The following USH2A variants were observed in gnomAD, a reference collection of about 807,000 sequenced individuals.
USH2A encodes usherin.
Under a neutral mutation model 538.9 loss-of-function variants are expected in USH2A, and 443 were observed. That is an observed-to-expected ratio of 0.82 (90% confidence interval 0.76 to 0.89). The LOEUF is 0.89. Among genes scored for constraint, USH2A ranks in the 40% least tolerant of loss-of-function variants. The pLI, the probability that USH2A is intolerant of heterozygous loss-of-function variation, is 0.00. For missense variants in USH2A, 6,633 were observed against 6,324.8 expected (o/e 1.05, Z -1.65); for synonymous variants, 2,413 against 2,273.5 (o/e 1.06, Z -1.75).
intron 32 of USH2A, among the ~76,000 whole-genome samples, chr1:216,025,967 A>G (rs1339182689): frequency 1.3e-5 from 2 of 152,116 alleles, no homozygotes; most frequent in Non-Finnish European, 2.9e-5. Context: ...TCATGTATAC[A>G]ATAGGGAGGG....
At chr1:216,138,686 A>G (rs1341246430) in intron 21 of USH2A, among the ~76,000 whole-genome samples, 2 of 152,092 alleles carry the variant, frequency 1.3e-5, no homozygotes, top group Admixed American at 1.3e-4. Context: ...ACATGTAGAT[A>G]TTATCATCTA....
intron 30 of USH2A, 33 bp from the exon 31 acceptor site, chr1:216,048,680 G>GT (rs1450377216): frequency 1.3e-6 from 2 of 1,556,480 alleles, no homozygotes; most frequent in Admixed American, 3.3e-5. Context: ...AGGGTTGCGT[G>GT]TTTACCATAA....
chr1:215,660,161 T>C (rs1657396960), intron 64 of USH2A, among the ~76,000 whole-genome samples: 1 of 152,230 alleles, frequency 6.6e-6, no homozygotes, highest in African/African-American at 2.4e-5. Flanking sequence ...TTTGAGTCCT[T>C]CAACTTATCA....
rs748178875 is a variant in USH2A, at chr1:216,289,314, A to G, written c.1937T>C (p.Val646Ala). 1.9e-6 allele frequency: 3 copies of G among 1,613,978 alleles called. No homozygotes were observed. Among genetic ancestry groups the G allele is most frequent in the South Asian group, 1.1e-5 (1 of 91,080 alleles). ...DVCKPCDCDT[V>A]GTRNGSILCD... is the part of the protein sequence containing the mutation. The stretch of plus-strand genomic sequence containing the variant: ...AAGAATGCTACCATTTCTAGTGCCA[A>G]CTGTATCACAGTCACAGGGTTTGCA... Residue 646 changes from valine (V) to alanine (A), a missense_variant, in exon 11 of 72, where the codon GTT becomes GCT. Coordinates refer to ENST00000307340, the MANE Select transcript of USH2A (RefSeq NM_206933.4).
chr1:216,022,137 A>C (rs556331329), intron 32 of USH2A, among the ~76,000 whole-genome samples: 4 of 152,168 alleles, frequency 2.6e-5, no homozygotes, highest in African/African-American at 9.6e-5. Flanking sequence ...AGATGCTGCC[A>C]TGCTTCCTGT....
intron 47 of USH2A, among the ~76,000 whole-genome samples, chr1:215,836,506 T>TTATATATATAATATATATTA (rs1663513672): frequency 5.5e-5 from 1 of 18,314 alleles, no homozygotes; most frequent in African/African-American, 1.7e-4. Flanking sequence ...ATAATATATA[T>TTATATATATAATATATATTA]TATATATATA....
intron 32 of USH2A, among the ~76,000 whole-genome samples, chr1:216,021,957 C>A (rs1338428194): frequency 6.6e-6 from 1 of 152,104 alleles, no homozygotes; most frequent in Non-Finnish European, 1.5e-5. Flanking sequence ...GCATCATTCT[C>A]ATGGGAGTGA....
rs957115742 is a variant in USH2A at position 215,896,304 on chromosome 1, G to GT, written c.7594+3770dup. Reference sequence around the variant, plus strand: ...AATCTAAAGTGAATTCAAGTTTGGGGTTTTTTTTTTTGAGGGTAGGGAAGT... The same window carrying GT: ...AATCTAAAGTGAATTCAAGTTTGGGGTTTTTTTTTTTTGAGGGTAGGGAAGT... On this transcript the variant is annotated intron_variant, in intron 40 of 71. Transcript: ENST00000307340. Among the ~76,000 whole-genome samples the GT allele has an allele frequency of 6.9e-3, 994 of 144,706 alleles. 25 individuals are homozygous for GT. Among genetic ancestry groups the GT allele is most frequent in the Admixed American group, 0.041 (590 of 14,458 alleles). 94.9% of individuals were successfully genotyped at this position (144,706 alleles called of 152,430 possible). A position where few individuals can be genotyped will look rare whatever the true frequency, so the allele number is the denominator to read the frequency against.
chr1:215,996,044 G>A (rs1019041072), intron 34 of USH2A, among the ~76,000 whole-genome samples: 3 of 152,092 alleles, frequency 2.0e-5, no homozygotes, highest in Non-Finnish European at 4.4e-5. Context: ...CCGAGTAGCT[G>A]GGATTATATG....
intron 20 of USH2A, among the ~76,000 whole-genome samples, chr1:216,176,143 T>A (rs1475775675): frequency 6.6e-6 from 1 of 152,206 alleles, no homozygotes; most frequent in Non-Finnish European, 1.5e-5. Flanking sequence ...AAGTCATTTT[T>A]AAAAAGACTT....
chr1:216,385,264 G>T (rs1313906387), intron 3 of USH2A, among the ~76,000 whole-genome samples: 1 of 152,178 alleles, frequency 6.6e-6, no homozygotes, highest in Non-Finnish European at 1.5e-5. Flanking sequence ...CCCTTTGCTT[G>T]GAAGGGCCAG....
chr1:216,395,726 C>T (rs184119908), intron 3 of USH2A, among the ~76,000 whole-genome samples: 27 of 152,210 alleles, frequency 1.8e-4, no homozygotes, highest in Admixed American at 3.9e-4. Context: ...CAAGACAGGA[C>T]GGAAGTAGGC....
At chr1:215,874,964 G>T (rs1339773) in intron 43 of USH2A, among the ~76,000 whole-genome samples, 149,141 of 152,336 alleles carry the variant, frequency 0.98, 73,029 homozygotes, top group East Asian at 1. Context: ...GTAACACAGG[G>T]GTGAACCAAC....
At chr1:216,184,518 T>C (rs553880136) in intron 20 of USH2A, among the ~76,000 whole-genome samples, 2 of 152,038 alleles carry the variant, frequency 1.3e-5, no homozygotes, top group South Asian at 4.2e-4. Flanking sequence ...GAGCAGAAAG[T>C]GACTAGCTTA....
chr1:215,697,563 C>T (rs1658860580), intron 61 of USH2A, among the ~76,000 whole-genome samples: 1 of 151,970 alleles, frequency 6.6e-6, no homozygotes, highest in Non-Finnish European at 1.5e-5. Flanking sequence ...TTCTTGTTGA[C>T]CTGGCTGGAG....
rs755804518 is a variant in USH2A at position 215,759,796 on chromosome 1, C to T, written c.11095G>A (p.Glu3699Lys). 2.5e-6 allele frequency: 4 copies of T among 1,613,994 alleles called. No homozygotes were observed. The highest frequency in any genetic ancestry group is 2.5e-6 in the Non-Finnish European group (3 of 1,179,928). The change falls in exon 57 of 72, where the codon GAA becomes AAA. Residue 3699 changes from glutamate (E) to lysine (K), a missense_variant. Physicochemically the swap from Glu to Lys is moderately conservative, Grantham distance 56. Coordinates refer to ENST00000307340, the MANE Select transcript of USH2A (RefSeq NM_206933.4). ...RHIIINSTTV[E>K]LYWSLPEKPN... is the part of the protein sequence containing the mutation. ...TTTTCTGGCAGACTCCAATATAATT[C>T]CACTGTTGTAGAATTGATGATAATG...
chr1:216,029,492 A>G (rs1669041221), intron 32 of USH2A, among the ~76,000 whole-genome samples: 1 of 152,060 alleles, frequency 6.6e-6, no homozygotes, highest in African/African-American at 2.4e-5. Flanking sequence ...ATGTGTGTGT[A>G]TAGCCAGAAA....
chr1:216,137,916 T>C (rs746414737), intron 21 of USH2A, among the ~76,000 whole-genome samples: 3 of 152,190 alleles, frequency 2.0e-5, no homozygotes, highest in Non-Finnish European at 4.4e-5. Context: ...ATTTTGCTAA[T>C]ATGATTGTTT....
intron 36 of USH2A, among the ~76,000 whole-genome samples, chr1:215,970,214 T>C (rs1301328306): frequency 6.6e-6 from 1 of 152,194 alleles, no homozygotes; most frequent in African/African-American, 2.4e-5. Context: ...TTGATTACTT[T>C]TTGGGGAGCA....
Sources: allele counts gnomAD v4.1 joint callset (sites outside exome capture counted in the v4.1 genomes callset), GRCh38; gene constraint gnomAD v4.1.1; transcripts MANE v1.5; gene names NCBI Gene and HGNC (gene_info 2026-07-23, HGNC 2026-07-21).